The following KCNIP1 variants were observed in gnomAD, a reference collection of about 807,000 sequenced individuals.
KCNIP1 encodes the protein potassium voltage-gated channel interacting protein 1.
A neutral mutation model predicts 33.0 loss-of-function variants in KCNIP1; 18 were observed. That is an observed-to-expected ratio of 0.55 (90% CI 0.38 to 0.81). KCNIP1 has a LOEUF of 0.81. KCNIP1 is among the 30% of genes least tolerant of loss of function. The pLI is 0.00. For missense variants in KCNIP1, 238 were observed against 271.6 expected (o/e 0.88, Z 0.87); for synonymous variants, 93 against 98.3 (o/e 0.95, Z 0.32).
intron 1 of KCNIP1, among the ~76,000 whole-genome samples, chr5:170,714,717 T>C: frequency 6.6e-6 from 1 of 152,162 alleles, no homozygotes; most frequent in East Asian, 1.9e-4. Context: ...AATAAAAAAT[T>C]TTTAAATAGA....
At chr5:170,678,697 A>C (rs1176971550) in intron 1 of KCNIP1, 1 of 152,238 alleles carries the variant, frequency 6.6e-6, no homozygotes, top group Non-Finnish European at 1.5e-5. Context: ...AGGGCAATAG[A>C]TGAAACTTTG....
At chr5:170,729,313 G>C (rs935044267) in intron 5 of KCNIP1, among the ~76,000 whole-genome samples, 2 of 152,002 alleles carry the variant, frequency 1.3e-5, no homozygotes, top group Non-Finnish European at 2.9e-5. Flanking sequence ...TGAAAAGTAA[G>C]TGACAAACTT....
chr5:170,721,664 C>T (rs1763828993), intron 3 of KCNIP1, 169 bp from the exon 4 acceptor site: 4 of 1,445,080 alleles, frequency 2.8e-6, no homozygotes, highest in Non-Finnish European at 1.9e-6. Flanking sequence ...TCTAACTTCA[C>T]ACCCAAACCC....
At chr5:170,603,299 A>G (rs112201084) in intron 1 of KCNIP1, among the ~76,000 whole-genome samples, 2,362 of 152,342 alleles carry the variant, frequency 0.016, 80 homozygotes, top group African/African-American at 0.054. Context: ...AGGAACCTCA[A>G]TGGTCCAAAT....
chr5:170,611,717 A>T (rs1759162231), intron 1 of KCNIP1, among the ~76,000 whole-genome samples: 1 of 152,108 alleles, frequency 6.6e-6, no homozygotes, highest in Non-Finnish European at 1.5e-5. Context: ...TCGTTTTCAG[A>T]GGAAAGAGCA....
At chr5:170,418,847 C>T (rs1279672318) in intron 1 of KCNIP1, among the ~76,000 whole-genome samples, 1 of 152,228 alleles carries the variant, frequency 6.6e-6, no homozygotes, top group African/African-American at 2.4e-5. Context: ...ATACAAGTTC[C>T]TCAACCCTGG....
intron 1 of KCNIP1, among the ~76,000 whole-genome samples, chr5:170,487,322 T>G (rs1757118448): frequency 6.6e-6 from 1 of 152,150 alleles, no homozygotes; most frequent in Admixed American, 6.5e-5. Context: ...TGTTAATTTC[T>G]TTGAAAAAAT....
At chr5:170,675,254 A>G (rs1471207836) in intron 1 of KCNIP1, among the ~76,000 whole-genome samples, 1 of 151,864 alleles carries the variant, frequency 6.6e-6, no homozygotes, top group Non-Finnish European at 1.5e-5. Context: ...AACCATGATT[A>G]CACCACTGAA....
At chr5:170,569,485 C>T (rs1757321334) in intron 1 of KCNIP1, among the ~76,000 whole-genome samples, 1 of 152,246 alleles carries the variant, frequency 6.6e-6, no homozygotes, top group Non-Finnish European at 1.5e-5. Flanking sequence ...ATCTTCCCAA[C>T]ACCTCTGAGC....
intron 1 of KCNIP1, among the ~76,000 whole-genome samples, chr5:170,370,836 G>T (rs977677634): frequency 6.6e-6 from 1 of 152,188 alleles, no homozygotes; most frequent in Non-Finnish European, 1.5e-5. Flanking sequence ...ATTCAGAAGG[G>T]TTGGAAAGAA....
chr5:170,714,656 G>T (rs1296331310), intron 1 of KCNIP1, among the ~76,000 whole-genome samples: 1 of 151,976 alleles, frequency 6.6e-6, no homozygotes, highest in Non-Finnish European at 1.5e-5. Context: ...GTGTGTGGTT[G>T]TGTCTTCATT....
chr5:170,712,798 T>A lies in KCNIP1; in HGVS notation c.62-5960T>A, dbSNP rs371305884. On this transcript the variant is annotated intron_variant, in intron 1 of 7. Transcript: ENST00000328939. The stretch of plus-strand genomic sequence containing the variant: ...GGCCTCTCTCCATTGACAATAAAAG[T>A]GTGTTTTGCTTTTCGATGAATCGAT... The A allele has an allele frequency of 1.1e-4, 165 of 1,558,336 alleles. No individual in the cohort carries two copies. The African/African-American group carries it at 1.6e-3, about 15-fold the overall frequency.
intron 1 of KCNIP1, among the ~76,000 whole-genome samples, chr5:170,416,073 GACA>G (rs1197311076): frequency 2.0e-5 from 3 of 152,064 alleles, no homozygotes; most frequent in Non-Finnish European, 4.4e-5. Flanking sequence ...TTCCAGGAGT[GACA>G]ACAAGCCCTC....
intron 1 of KCNIP1, among the ~76,000 whole-genome samples, chr5:170,356,701 A>T (rs1398539649): frequency 1.3e-5 from 2 of 152,074 alleles, no homozygotes; most frequent in African/African-American, 4.8e-5. Context: ...TTTGCTCACC[A>T]CTGTGGCCAG....
At chr5:170,614,274 A>G (rs968223544) in intron 1 of KCNIP1, among the ~76,000 whole-genome samples, 4 of 152,232 alleles carry the variant, frequency 2.6e-5, no homozygotes, top group Admixed American at 2.6e-4. Flanking sequence ...CTGTAAACAC[A>G]GTCAGCCCAT....
intron 1 of KCNIP1, among the ~76,000 whole-genome samples, chr5:170,674,477 A>G (rs567217814): frequency 7.2e-4 from 110 of 152,272 alleles, no homozygotes; most frequent in African/African-American, 2.6e-3. Context: ...GAATGTGCTC[A>G]TTATTCCTCC....
At chr5:170,450,256 AG>A (rs1390600608) in intron 1 of KCNIP1, among the ~76,000 whole-genome samples, 1 of 152,042 alleles carries the variant, frequency 6.6e-6, no homozygotes, top group Admixed American at 6.5e-5. Context: ...GACTCTTTAC[AG>A]CACCCTCCTC....
chr5:170,559,466 C>T (rs1756958895), intron 1 of KCNIP1, among the ~76,000 whole-genome samples: 1 of 152,130 alleles, frequency 6.6e-6, no homozygotes, highest in Non-Finnish European at 1.5e-5. Context: ...TTGGGATGGG[C>T]CCACCCTCCC....
intron 1 of KCNIP1, among the ~76,000 whole-genome samples, chr5:170,478,590 A>G (rs997095494): frequency 2.0e-5 from 3 of 152,102 alleles, no homozygotes; most frequent in Non-Finnish European, 4.4e-5. Context: ...CGACTCCACC[A>G]TGGTCAGTTT....
Sources: gnomAD v4.1 joint callset for allele counts (sites outside exome capture counted in the v4.1 genomes callset) on GRCh38, gnomAD v4.1.1 for gene constraint, MANE v1.5 for transcripts, NCBI Gene and HGNC (gene_info 2026-07-23, HGNC 2026-07-21) for gene names.